The following CDC14A variants were observed in gnomAD, a reference collection of about 807,000 sequenced individuals.
CDC14A encodes the protein dual specificity protein phosphatase CDC14A.
In CDC14A, 53 loss-of-function variants were observed where a neutral mutation model predicts 74.4. The observed-to-expected ratio is 0.71, with a 90% CI of 0.57 to 0.89. The LOEUF is 0.89. CDC14A is among the 40% of genes least tolerant of loss of function. The probability of loss-of-function intolerance (pLI) is 0.00; values close to 1 mark genes in which losing one functional copy is unlikely to be tolerated. For missense variants in CDC14A, 646 were observed against 713.7 expected (o/e 0.91, Z 1.08); for synonymous variants, 247 against 258.4 (o/e 0.96, Z 0.43).
chr1:100,385,168 G>A lies in CDC14A; in HGVS notation c.217-5564G>A, dbSNP rs574855374. On this transcript the variant is annotated intron_variant, in intron 3 of 15. Transcript: ENST00000336454. ...TTCTTTCGAGACTACTTGACCAGAT[G>A]GACAGTGTTTTAGCTTCATATAAAA... 2.6e-5 allele frequency among the ~76,000 whole-genome samples: 4 copies of A among 152,272 alleles called. No homozygotes were observed. In the East Asian group the frequency reaches 5.8e-4, roughly 22 times the overall value.
intron 2 of CDC14A, 115 bp downstream of exon 2, chr1:100,353,967 C>T: frequency 1.5e-6 from 1 of 661,718 alleles, no homozygotes; most frequent in Non-Finnish European, 2.7e-6. Flanking sequence ...ATACGAGTAA[C>T]AATATCAATT....
intron 6 of CDC14A, 148 bp from the exon 7 acceptor site, chr1:100,442,786 A>G: frequency 1.6e-6 from 1 of 615,642 alleles, no homozygotes; most frequent in South Asian, 1.9e-5. Flanking sequence ...AGTTTTATAA[A>G]AAGATTTCTA....
At chr1:100,379,387 G>A (rs1331489794) in intron 3 of CDC14A, among the ~76,000 whole-genome samples, 10 of 152,222 alleles carry the variant, frequency 6.6e-5, no homozygotes, top group Admixed American at 4.6e-4. Flanking sequence ...TGTCTGGAAT[G>A]ACATATGTAG....
intron 11 of CDC14A, chr1:100,484,817 A>C (rs1669866887): frequency 2.9e-5 from 29 of 987,276 alleles, no homozygotes; most frequent in Non-Finnish European, 3.5e-5. Context: ...TGAAAGCCTC[A>C]AATTCATGCT....
At position 100,520,035 on chromosome 1, in the gene CDC14A, T is replaced by C. The variant is rs1650556710; in HGVS notation, c.*1755T>C. On this transcript the variant is annotated 3_prime_UTR_variant, in exon 16 of 16. Transcript: ENST00000336454. The stretch of plus-strand genomic sequence containing the variant: ...AATTTCCCATAATTATGTGTGTATA[T>C]GTGTCATATGTATGTACATGTATAT... 1 of 152,526 alleles carries C rather than the reference T, an allele frequency of 6.6e-6. No individual in the cohort carries two copies. The highest frequency in any genetic ancestry group is 6.5e-5 in the Admixed American group (1 of 15,272). The allele number at this position is 152,526 out of a possible 1,614,324, so 9.4% of individuals were successfully genotyped here.
At chr1:100,412,657 C>G (rs1463346961) in intron 4 of CDC14A, among the ~76,000 whole-genome samples, 1 of 133,986 alleles carries the variant, frequency 7.5e-6, no homozygotes, top group Non-Finnish European at 1.5e-5. Context: ...GGGAAGTTCC[C>G]AGTTACTGCA....
intron 1 of CDC14A, among the ~76,000 whole-genome samples, chr1:100,353,259 A>T (rs1164813037): frequency 6.6e-6 from 1 of 151,798 alleles, no homozygotes; most frequent in Admixed American, 6.6e-5. Context: ...TTCTGCCCGT[A>T]CTCCGGCACT....
At chr1:100,459,200 A>C (rs1249456777) in intron 8 of CDC14A, among the ~76,000 whole-genome samples, 2 of 151,956 alleles carry the variant, frequency 1.3e-5, no homozygotes, top group Non-Finnish European at 2.9e-5. Flanking sequence ...CTGCTCCTTT[A>C]ATGAGAGAAG....
At chr1:100,476,798 A>G (rs1238832896) in intron 10 of CDC14A, among the ~76,000 whole-genome samples, 1 of 152,178 alleles carries the variant, frequency 6.6e-6, no homozygotes, top group Non-Finnish European at 1.5e-5. Flanking sequence ...ATACAGGCAT[A>G]TTTTAATCCC....
At chr1:100,387,308 C>A (rs917825972) in intron 3 of CDC14A, among the ~76,000 whole-genome samples, 2 of 152,188 alleles carry the variant, frequency 1.3e-5, no homozygotes, top group Non-Finnish European at 2.9e-5. Context: ...TCTCTGCTCT[C>A]ATTAACTTTG....
At chr1:100,447,880 T>C (rs1444395914) in intron 7 of CDC14A, among the ~76,000 whole-genome samples, 1 of 152,192 alleles carries the variant, frequency 6.6e-6, no homozygotes, top group Non-Finnish European at 1.5e-5. Flanking sequence ...ACACCAGTGA[T>C]CATTCATGAT....
intron 4 of CDC14A, among the ~76,000 whole-genome samples, chr1:100,404,129 T>C (rs1659620754): frequency 6.6e-6 from 1 of 151,834 alleles, no homozygotes; most frequent in Non-Finnish European, 1.5e-5. Context: ...GCTAACCGCT[T>C]GCAGTGAGCT....
intron 15 of CDC14A, among the ~76,000 whole-genome samples, chr1:100,506,591 T>A (rs949147893): frequency 1.1e-4 from 16 of 152,242 alleles, no homozygotes; most frequent in African/African-American, 3.6e-4. Context: ...TAGTAGTTTA[T>A]GTTACTTTTC....
intron 3 of CDC14A, among the ~76,000 whole-genome samples, chr1:100,387,971 A>T (rs1657109971): frequency 6.6e-6 from 1 of 152,222 alleles, no homozygotes; most frequent in East Asian, 1.9e-4. Flanking sequence ...ATACAGTTTC[A>T]CATTATTAAC....
chr1:100,516,570 C>T (rs1023680975), intron 15 of CDC14A, among the ~76,000 whole-genome samples: 12 of 152,146 alleles, frequency 7.9e-5, no homozygotes, highest in Admixed American at 5.2e-4. Flanking sequence ...CACACATACA[C>T]GCACAACATA....
intron 5 of CDC14A, among the ~76,000 whole-genome samples, chr1:100,431,683 A>T (rs992578005): frequency 5.3e-5 from 8 of 151,894 alleles, no homozygotes; most frequent in African/African-American, 1.2e-4. Flanking sequence ...CTCTACAAAA[A>T]AAAAATAAAA....
At chr1:100,413,482 T>A (rs1031244530) in intron 4 of CDC14A, among the ~76,000 whole-genome samples, 2 of 152,226 alleles carry the variant, frequency 1.3e-5, no homozygotes, top group East Asian at 3.8e-4. Context: ...ATTTTAATTT[T>A]AAAAACAATT....
intron 5 of CDC14A, among the ~76,000 whole-genome samples, chr1:100,430,766 G>C (rs1026817428): frequency 2.6e-5 from 4 of 152,152 alleles, no homozygotes; most frequent in Admixed American, 2.0e-4. Flanking sequence ...GCAATTAACT[G>C]TACTTCAAAG....
intron 11 of CDC14A, among the ~76,000 whole-genome samples, chr1:100,487,943 T>G (rs1670209550): frequency 6.6e-6 from 1 of 152,200 alleles, no homozygotes; most frequent in Admixed American, 6.5e-5. Flanking sequence ...ATCATGATTC[T>G]GTTTTTGGCA....
Sources: allele counts gnomAD v4.1 joint callset (sites outside exome capture counted in the v4.1 genomes callset), GRCh38; gene constraint gnomAD v4.1.1; transcripts MANE v1.5; gene names NCBI Gene and HGNC (gene_info 2026-07-23, HGNC 2026-07-21).